The following KCND3 variants were observed in gnomAD, a reference collection of about 807,000 sequenced individuals.
The protein encoded by KCND3 is potassium voltage-gated channel subfamily D member 3.
KCND3 carries 9 observed loss-of-function variants against 51.1 expected under a neutral mutation model. The observed-to-expected ratio is 0.18, with a 90% confidence interval of 0.11 to 0.31. The LOEUF (loss-of-function observed/expected upper bound fraction) is 0.31, where lower values mean the gene tolerates loss of function less well. Ranked by LOEUF, KCND3 falls within the 10% of genes least tolerant of loss-of-function variation. The pLI is 1.00. For missense variants in KCND3, 526 were observed against 903.8 expected, an observed-to-expected ratio of 0.58 and a Z score of 5.36; for synonymous variants, 349 against 368.0, an observed-to-expected ratio of 0.95 and a Z score of 0.59.
In KCND3 at chr1:111,789,881, C is replaced by G. The variant is rs78633351; in HGVS notation, c.1107-2775G>C. Among the ~76,000 whole-genome samples the G allele has an allele frequency of 3.7e-3, 565 of 152,332 alleles. 4 individuals carry two copies. The highest frequency in any genetic ancestry group is 6.3e-3 in the Non-Finnish European group (431 of 68,018). On this transcript the variant is annotated intron_variant, in intron 2 of 7. Coordinates refer to ENST00000302127, the MANE Select transcript of KCND3 (RefSeq NM_001378969.1). ...TTGTCCCAGTTCTTTATACCCTTGA[C>G]AAGCTGGAGGAGTGTGGTGTGGATA...
chr1:111,895,115 G>A (rs1174987365), intron 2 of KCND3, among the ~76,000 whole-genome samples: 1 of 146,180 alleles, frequency 6.8e-6, no homozygotes, highest in African/African-American at 2.5e-5. Flanking sequence ...GGGGAAGGAA[G>A]AGGAAGGGGA....
intron 2 of KCND3, 75 bp from the exon 3 acceptor site, chr1:111,787,181 AT>A: frequency 7.0e-7 from 1 of 1,432,066 alleles, no homozygotes; most frequent in Non-Finnish European, 9.8e-7. Flanking sequence ...CCTGCCAATC[AT>A]TCACCTGTTT....
At chr1:111,855,960 C>A (rs1363570506) in intron 2 of KCND3, among the ~76,000 whole-genome samples, 1 of 152,162 alleles carries the variant, frequency 6.6e-6, no homozygotes, top group Non-Finnish European at 1.5e-5. Context: ...CAGAGCCAGT[C>A]CCAGATGACC....
At chr1:111,845,902 C>G (rs1389798809) in intron 2 of KCND3, among the ~76,000 whole-genome samples, 1 of 145,840 alleles carries the variant, frequency 6.9e-6, no homozygotes, top group Non-Finnish European at 1.5e-5. Flanking sequence ...ATGCCTTCAA[C>G]ATTGCTGTCC....
intron 2 of KCND3, among the ~76,000 whole-genome samples, chr1:111,828,308 C>T (rs1254263479): frequency 6.6e-6 from 1 of 152,208 alleles, no homozygotes; most frequent in African/African-American, 2.4e-5. Flanking sequence ...CTAACCTTTA[C>T]TTCCGTCTAC....
intron 2 of KCND3, among the ~76,000 whole-genome samples, chr1:111,874,996 G>A (rs1315433952): frequency 1.3e-5 from 2 of 152,232 alleles, no homozygotes; most frequent in Non-Finnish European, 1.5e-5. Flanking sequence ...TAGGTAGTCA[G>A]GAGGATGAAA....
At chr1:111,787,191 T>G in intron 2 of KCND3, 85 bp from the exon 3 acceptor site, 1 of 1,371,952 alleles carries the variant, frequency 7.3e-7, no homozygotes, top group Non-Finnish European at 1.0e-6. Context: ...ATTCACCTGT[T>G]TATTCATTCA....
intron 2 of KCND3, among the ~76,000 whole-genome samples, chr1:111,872,069 AT>A (rs1668849731): frequency 6.6e-6 from 1 of 152,244 alleles, no homozygotes; most frequent in African/African-American, 2.4e-5. Context: ...GATACTAAAA[AT>A]AAAACCTTAT....
rs113662861 is a variant in KCND3 at position 111,819,414 on chromosome 1, A to C, written c.1107-32308T>G. 2.5e-3 allele frequency among the ~76,000 whole-genome samples: 382 copies of C among 152,274 alleles called. 4 individuals are homozygous for C. Among genetic ancestry groups the C allele is most frequent in the African/African-American group, 8.7e-3 (361 of 41,548 alleles). The stretch of plus-strand genomic sequence containing the variant: ...AAAAATTCCCCAAACCCAACCGGGA[A>C]AGAAAGCTCATTAATGTCTCTCTTC... On this transcript the variant is annotated intron_variant, in intron 2 of 7. Coordinates refer to ENST00000302127, the MANE Select transcript of KCND3 (RefSeq NM_001378969.1).
rs1314657827 is a variant in KCND3, at chr1:111,801,700, T to A, written c.1107-14594A>T. Among the ~76,000 whole-genome samples, 3 of 152,196 alleles carry A rather than the reference T, an allele frequency of 2.0e-5. No homozygotes were observed. In the East Asian group the frequency reaches 5.8e-4, roughly 29 times the overall value. On this transcript the variant is annotated intron_variant, in intron 2 of 7. Transcript: ENST00000302127. Reference sequence around the variant, plus strand: ...TGCTCTCCACTGCTCATAGGGTAAATCCAGGTTGCTCCAACTGCGCTTTGC... The same window carrying A: ...TGCTCTCCACTGCTCATAGGGTAAAACCAGGTTGCTCCAACTGCGCTTTGC...
chr1:111,967,158 A>G (rs1257166067), intron 2 of KCND3, among the ~76,000 whole-genome samples: 1 of 151,150 alleles, frequency 6.6e-6, no homozygotes, highest in Non-Finnish European at 1.5e-5. Context: ...AAAAAACAAA[A>G]ACAAAAAAAA....
intron 2 of KCND3, among the ~76,000 whole-genome samples, chr1:111,897,027 G>T (rs952910798): frequency 5.9e-5 from 9 of 152,254 alleles, no homozygotes; most frequent in African/African-American, 2.2e-4. Flanking sequence ...GCAGGCTGGG[G>T]TCTGTCTTGT....
intron 2 of KCND3, among the ~76,000 whole-genome samples, chr1:111,790,763 G>A (rs968845552): frequency 2.6e-5 from 4 of 152,142 alleles, no homozygotes; most frequent in African/African-American, 7.2e-5. Flanking sequence ...AGGCAACCAC[G>A]AATCTACTTT....
chr1:111,858,953 T>C (rs1197952329), intron 2 of KCND3, among the ~76,000 whole-genome samples: 2 of 152,348 alleles, frequency 1.3e-5, no homozygotes, highest in South Asian at 4.1e-4. Context: ...AGATCTTTGG[T>C]CAAATGTCAA....
chr1:111,966,529 G>A (rs924122417), intron 2 of KCND3, among the ~76,000 whole-genome samples: 5 of 152,140 alleles, frequency 3.3e-5, no homozygotes, highest in Admixed American at 2.6e-4. Flanking sequence ...TTATCCTAGA[G>A]GGCCTGGTGA....
In KCND3 at chr1:111,976,733, G is replaced by A. The variant is rs150798682; in HGVS notation, c.1106+4888C>T. On this transcript the variant is annotated intron_variant, in intron 2 of 7. Coordinates refer to ENST00000302127, the MANE Select transcript of KCND3 (RefSeq NM_001378969.1). ...AGGTGACGTGGGGCTGAGTTTGAAG[G>A]ATGATGTGTATCAGCCAGACACAGA... Among the ~76,000 whole-genome samples, 78 of 152,354 alleles carry A rather than the reference G, an allele frequency of 5.1e-4. 2 individuals carry two copies. In the East Asian group the frequency reaches 0.013, roughly 26 times the overall value.
intron 2 of KCND3, among the ~76,000 whole-genome samples, chr1:111,829,979 T>A (rs1381036367): frequency 6.6e-6 from 1 of 152,188 alleles, no homozygotes; most frequent in Non-Finnish European, 1.5e-5. Flanking sequence ...GCCATTCTGT[T>A]CACTATCGAC....
chr1:111,982,439 G>T lies in KCND3; in HGVS notation c.288C>A (p.Asn96Lys). ...RDPEVFRCVL[N>K]FYRTGKLHYP... ...AGTGCAGCTTCCCCGTGCGGTAGAA[G>T]TTGAGCACGCAGCGGAACACCTCGG... The change falls in exon 2 of 8, where the codon AAC becomes AAA. Residue 96 changes from asparagine (N) to lysine (K), a missense_variant. Physicochemically the swap from Asn to Lys is moderately conservative, Grantham distance 94. This residue lies in a region of KCND3 where 159 missense variants were observed against 262.8 expected (regional missense o/e 0.61). Coordinates refer to ENST00000302127, the MANE Select transcript of KCND3 (RefSeq NM_001378969.1). The surrounding 1 kb of genome is among the most constrained non-coding windows in gnomAD (Gnocchi z 8.5). 6.2e-7 allele frequency: 1 copy of T among 1,614,028 alleles called. No homozygotes were observed. The highest frequency in any genetic ancestry group is 8.5e-7 in the Non-Finnish European group (1 of 1,179,878).
chr1:111,932,062 C>T (rs557037492), intron 2 of KCND3, among the ~76,000 whole-genome samples: 1 of 152,334 alleles, frequency 6.6e-6, no homozygotes, highest in African/African-American at 2.4e-5. Flanking sequence ...TCAAAGCCAG[C>T]CGCAGCAGGC....
Sources: allele counts gnomAD v4.1 joint callset (sites outside exome capture counted in the v4.1 genomes callset), GRCh38; gene constraint gnomAD v4.1.1; regional missense constraint gnomAD v4.1.1; non-coding constraint Gnocchi (gnomAD v3.1); transcripts MANE v1.5; gene names NCBI Gene and HGNC (gene_info 2026-07-23, HGNC 2026-07-21).